The following AP3B1 variants were observed in gnomAD, a reference collection of about 807,000 sequenced individuals.
AP3B1 encodes adaptor related protein complex 3 subunit beta 1, also known as AP-3 complex subunit beta-1.
A neutral mutation model predicts 132.5 loss-of-function variants in AP3B1; 61 were observed. That is an observed-to-expected ratio of 0.46 (90% CI 0.37 to 0.57). The LOEUF (loss-of-function observed/expected upper bound fraction) is 0.57, where lower values mean the gene tolerates loss of function less well. Among genes scored for constraint, AP3B1 ranks in the 20% least tolerant of loss-of-function variants. The pLI is 0.00. For missense variants in AP3B1, 1,120 were observed against 1,289.4 expected, an observed-to-expected ratio of 0.87 and a Z score of 2.01; for synonymous variants, 388 against 438.3, an observed-to-expected ratio of 0.89 and a Z score of 1.43.
At chr5:78,168,521 G>A (rs919889368) in intron 11 of AP3B1, among the ~76,000 whole-genome samples, 1 of 152,056 alleles carries the variant, frequency 6.6e-6, no homozygotes, top group Non-Finnish European at 1.5e-5. Flanking sequence ...ACTGCATCCA[G>A]CTGGACAACT....
At chr5:78,255,924 A>G (rs950983342) in intron 2 of AP3B1, among the ~76,000 whole-genome samples, 6 of 152,164 alleles carry the variant, frequency 3.9e-5, no homozygotes, top group African/African-American at 1.4e-4. Context: ...CTAGAAATTA[A>G]TAACAAAAGG....
chr5:78,210,383 T>C (rs941229561), intron 7 of AP3B1, among the ~76,000 whole-genome samples: 1 of 152,218 alleles, frequency 6.6e-6, no homozygotes, highest in Non-Finnish European at 1.5e-5. Context: ...TGGATTTTGA[T>C]AAGTTATTTT....
chr5:78,026,004 T>C (rs994510835), intron 24 of AP3B1, among the ~76,000 whole-genome samples: 1 of 152,208 alleles, frequency 6.6e-6, no homozygotes, highest in African/African-American at 2.4e-5. Context: ...TGTCCTCCAG[T>C]TTATAAGCAT....
intron 7 of AP3B1, among the ~76,000 whole-genome samples, chr5:78,202,888 G>A (rs1485580886): frequency 6.6e-6 from 1 of 152,164 alleles, no homozygotes; most frequent in African/African-American, 2.4e-5. Context: ...TAGGTGTAAT[G>A]TGTACTGATG....
At chr5:78,033,694 C>A (rs530360346) in intron 24 of AP3B1, among the ~76,000 whole-genome samples, 1 of 151,920 alleles carries the variant, frequency 6.6e-6, no homozygotes, top group African/African-American at 2.4e-5. Flanking sequence ...TGCATGAATA[C>A]GGCTTTGTTC....
chr5:78,242,287 A>T (rs940755676), intron 2 of AP3B1, among the ~76,000 whole-genome samples: 1 of 152,154 alleles, frequency 6.6e-6, no homozygotes, highest in Non-Finnish European at 1.5e-5. Context: ...TGCTCAGATC[A>T]TGGCCCCAGC....
rs66493022 is a variant in AP3B1, at chr5:78,223,027, C to CTCTTTTTTTTT, written c.603+2514_603+2515insAAAAAAAAAGA. ...TGTTTTTTTGTTTGTTTGTTTGTTTCTTTTTTTTTTTTTGTAGAGACAAGG... is the reference window on the plus strand; with the variant it reads ...TGTTTTTTTGTTTGTTTGTTTGTTTCTCTTTTTTTTTTTTTTTTTTTTTTGTAGAGACAAGG... On this transcript the variant is annotated intron_variant, in intron 6 of 26. Coordinates refer to ENST00000255194, the MANE Select transcript of AP3B1 (RefSeq NM_003664.5). Among the ~76,000 whole-genome samples the CTCTTTTTTTTT allele has an allele frequency of 4.4e-4, 56 of 127,814 alleles. 1 individual carries two copies. Among genetic ancestry groups the CTCTTTTTTTTT allele is most frequent in the South Asian group, 5.0e-4 (2 of 4,022 alleles). The allele number at this position is 127,814 out of a possible 152,430, so 83.9% of individuals were successfully genotyped here. A position where few individuals can be genotyped will look rare whatever the true frequency, so the allele number is the denominator to read the frequency against.
chr5:78,165,692 AAG>A lies in AP3B1; in HGVS notation c.1168-22_1168-21del. On this transcript the variant is annotated intron_variant, in intron 11 of 26. Transcript: ENST00000255194. Reference sequence around the variant, plus strand: ...TTCAAGCTATAGTAGAGAAAAGAGAAAGTAAACATTTTAAAACAAAGGTAGCA... The same window carrying A: ...TTCAAGCTATAGTAGAGAAAAGAGAATAAACATTTTAAAACAAAGGTAGCA... The A allele has an allele frequency of 2.0e-6, 3 of 1,534,672 alleles. No homozygotes were observed. The African/African-American group carries it at 4.1e-5, about 21-fold the overall frequency.
chr5:78,154,539 T>TC (rs1352875992), intron 14 of AP3B1, among the ~76,000 whole-genome samples: 1 of 152,188 alleles, frequency 6.6e-6, no homozygotes, highest in Admixed American at 6.5e-5. Flanking sequence ...AAACTTTCCA[T>TC]CCCTGCCCCT....
intron 26 of AP3B1, among the ~76,000 whole-genome samples, chr5:78,013,761 T>G (rs1450200613): frequency 6.6e-6 from 1 of 152,224 alleles, no homozygotes; most frequent in African/African-American, 2.4e-5. Flanking sequence ...TGAACAACAT[T>G]AACTGATAAA....
At chr5:78,166,468 C>T (rs1030603649) in intron 11 of AP3B1, among the ~76,000 whole-genome samples, 1 of 152,088 alleles carries the variant, frequency 6.6e-6, no homozygotes, top group African/African-American at 2.4e-5. Flanking sequence ...TTGATTTGTT[C>T]TCCTATAGTC....
intron 7 of AP3B1, among the ~76,000 whole-genome samples, chr5:78,215,525 C>G (rs1745923947): frequency 6.6e-6 from 1 of 152,102 alleles, no homozygotes; most frequent in Non-Finnish European, 1.5e-5. Flanking sequence ...TTACTAAATG[C>G]TACCAGCTAA....
intron 23 of AP3B1, among the ~76,000 whole-genome samples, chr5:78,037,414 T>C (rs1393170507): frequency 6.6e-6 from 1 of 152,198 alleles, no homozygotes; most frequent in Non-Finnish European, 1.5e-5. Context: ...ATACTTTGTG[T>C]TCTTTAAATA....
At chr5:78,108,732 C>T (rs2112248651) in intron 20 of AP3B1, among the ~76,000 whole-genome samples, 1 of 152,290 alleles carries the variant, frequency 6.6e-6, no homozygotes, top group East Asian at 1.9e-4. Context: ...AACAGAATCA[C>T]TGACCTGGAG....
At position 78,287,887 on chromosome 5, in the gene AP3B1, T is replaced by C. The variant is rs1165198321; in HGVS notation, c.128+6565A>G. On this transcript the variant is annotated intron_variant, in intron 1 of 26. Coordinates refer to ENST00000255194, the MANE Select transcript of AP3B1 (RefSeq NM_003664.5). ...AACAAGACAGATCAGTTATCAAACC[T>C]GGAATTATTAGAACACAAGAGATTT... Among the ~76,000 whole-genome samples, 8 of 152,148 alleles carry C rather than the reference T, an allele frequency of 5.3e-5. No homozygotes were observed. The South Asian group carries it at 8.3e-4, about 16-fold the overall frequency.
At chr5:78,058,990 A>G (rs1316415242) in intron 22 of AP3B1, among the ~76,000 whole-genome samples, 1 of 152,230 alleles carries the variant, frequency 6.6e-6, no homozygotes. Context: ...CAGCCCCTTC[A>G]AAGATGTCTA....
chr5:78,109,743 TTATTA>T (rs764884728), intron 20 of AP3B1, among the ~76,000 whole-genome samples: 54 of 152,268 alleles, frequency 3.5e-4, no homozygotes, highest in Admixed American at 3.3e-3. Context: ...CATTATTATT[TTATTA>T]TATAAGTGGT....
intron 22 of AP3B1, among the ~76,000 whole-genome samples, chr5:78,083,911 T>C (rs1411155133): frequency 6.6e-6 from 1 of 152,096 alleles, no homozygotes; most frequent in Non-Finnish European, 1.5e-5. Context: ...ATTGAAAAAA[T>C]CTAATATACA....
intron 6 of AP3B1, among the ~76,000 whole-genome samples, chr5:78,219,616 C>T (rs1045104162): frequency 1.3e-5 from 2 of 151,942 alleles, no homozygotes; most frequent in East Asian, 3.8e-4. Context: ...CTAAATAACA[C>T]TAAAATGTTC....
Sources: allele counts gnomAD v4.1 joint callset (sites outside exome capture counted in the v4.1 genomes callset), GRCh38; gene constraint gnomAD v4.1.1; transcripts MANE v1.5; gene names NCBI Gene and HGNC (gene_info 2026-07-23, HGNC 2026-07-21).